PIGU: variants seen among roughly 807,000 people sequenced by gnomAD.
PIGU encodes phosphatidylinositol glycan anchor biosynthesis class U.
PIGU carries 24 observed loss-of-function variants against 49.9 expected under a neutral mutation model. That is an observed-to-expected ratio of 0.48 (90% confidence interval 0.35 to 0.68). PIGU has a LOEUF of 0.68. Ranked by LOEUF, PIGU falls within the 30% of genes least tolerant of loss-of-function variation. The pLI is 0.01. For synonymous variants in PIGU, 220 were observed against 205.7 expected (o/e 1.07, Z -0.59); for missense variants, 490 against 532.6 (o/e 0.92, Z 0.79).
intron 2 of PIGU, among the ~76,000 whole-genome samples, chr20:34,645,708 A>T (rs1986321430): frequency 6.6e-6 from 1 of 152,116 alleles, no homozygotes; most frequent in African/African-American, 2.4e-5. Context: ...ATCCTGGCTA[A>T]CACGGTAAAA....
intron 6 of PIGU, among the ~76,000 whole-genome samples, chr20:34,625,322 T>C (rs6058092): frequency 0.99 from 148,916 of 149,868 alleles, 73,991 homozygotes; most frequent in East Asian, 1. Flanking sequence ...GAGCCGAGAT[T>C]GTGCCATTGC....
At chr20:34,603,731 G>C (rs111410261) in intron 7 of PIGU, among the ~76,000 whole-genome samples, 6 of 152,158 alleles carry the variant, frequency 3.9e-5, no homozygotes, top group Admixed American at 2.0e-4. Flanking sequence ...CTAAAACCTA[G>C]AATTAGCCAT....
chr20:34,660,308 TGGGCG>T (rs1410813208), intron 1 of PIGU, among the ~76,000 whole-genome samples: 1 of 152,136 alleles, frequency 6.6e-6, no homozygotes, highest in Admixed American at 6.5e-5. Flanking sequence ...AAATTTTACA[TGGGCG>T]GTGGTTCATG....
At chr20:34,659,638 A>T (rs1986867930) in intron 1 of PIGU, among the ~76,000 whole-genome samples, 1 of 152,192 alleles carries the variant, frequency 6.6e-6, no homozygotes, top group Non-Finnish European at 1.5e-5. Flanking sequence ...AAGATTGAGA[A>T]ATCGGATGGT....
intron 7 of PIGU, 94 bp from the exon 8 acceptor site, chr20:34,588,701 C>A: frequency 8.4e-7 from 1 of 1,193,772 alleles, no homozygotes; most frequent in Non-Finnish European, 1.2e-6. Flanking sequence ...CAAAACCATA[C>A]TATGATACAC....
At chr20:34,596,030 T>G (rs1984185302) in intron 7 of PIGU, among the ~76,000 whole-genome samples, 1 of 152,132 alleles carries the variant, frequency 6.6e-6, no homozygotes, top group African/African-American at 2.4e-5. Context: ...AGACCCTGTC[T>G]CAAAAACAAA....
rs1433169872 is a variant in PIGU at position 34,652,747 on chromosome 20, TA to T, written c.195+4432del. Among the ~76,000 whole-genome samples, 9 of 152,216 alleles carry T rather than the reference TA, an allele frequency of 5.9e-5. No homozygotes were observed. The South Asian group carries it at 1.9e-3, about 31-fold the overall frequency. ...AATTAAGAATATGTTACTCAGTTTC[TA>T]AATATTTGGGGATTCTCTAGATATC... On this transcript the variant is annotated intron_variant, in intron 2 of 11. Coordinates refer to ENST00000217446, the MANE Select transcript of PIGU (RefSeq NM_080476.5).
intron 2 of PIGU, among the ~76,000 whole-genome samples, chr20:34,649,523 ATT>A (rs113251878): frequency 8.8e-5 from 12 of 136,128 alleles, no homozygotes; most frequent in Non-Finnish European, 9.6e-5. Context: ...TCATCTATAC[ATT>A]TTTTTTTTTT....
intron 6 of PIGU, among the ~76,000 whole-genome samples, chr20:34,617,862 A>T (rs1411107118): frequency 6.6e-6 from 1 of 152,216 alleles, no homozygotes; most frequent in South Asian, 2.1e-4. Context: ...TAATTGAATC[A>T]TGGGAGTTGC....
Position 34,600,611 on chromosome 20 carries a change from G to GA in PIGU, c.628-12005dup, listed in dbSNP as rs1025949914. Among the ~76,000 whole-genome samples, 385 of 146,458 alleles carry GA rather than the reference G, an allele frequency of 2.6e-3. 1 individual carries two copies. The highest frequency in any genetic ancestry group is 8.7e-3 in the African/African-American group (349 of 40,014). On this transcript the variant is annotated intron_variant, in intron 7 of 11. Coordinates refer to ENST00000217446, the MANE Select transcript of PIGU (RefSeq NM_080476.5). ...AAGAGGAAGAAAACAGCCCAGGAGAGAAAAAAAAAATACCCTCTAAAGTAA... is the reference window on the plus strand; with the variant it reads ...AAGAGGAAGAAAACAGCCCAGGAGAGAAAAAAAAAAATACCCTCTAAAGTAA...
chr20:34,628,472 A>G (rs989567181), intron 6 of PIGU, among the ~76,000 whole-genome samples: 9 of 152,190 alleles, frequency 5.9e-5, no homozygotes, highest in African/African-American at 1.9e-4. Context: ...ACAGCTAAAA[A>G]CTGGAAAATC....
intron 2 of PIGU, 30 bp downstream of exon 2, chr20:34,657,150 G>A (rs746727749): frequency 1.9e-6 from 3 of 1,543,698 alleles, no homozygotes; most frequent in South Asian, 1.1e-5. Context: ...ACTACTCTTG[G>A]TACCCAGAAA....
rs559986543 is a variant in PIGU, at chr20:34,575,317, C to A, written c.1052-71G>T. On this transcript the variant is annotated intron_variant, in intron 10 of 11. Coordinates refer to ENST00000217446, the MANE Select transcript of PIGU (RefSeq NM_080476.5). Reference sequence around the variant, plus strand: ...CATGCTTTCCCTGCTGCAATGGCCCCCCTGAATGGAGAGGCCCAAGGTGAG... The same window carrying A: ...CATGCTTTCCCTGCTGCAATGGCCCACCTGAATGGAGAGGCCCAAGGTGAG... The A allele has an allele frequency of 1.3e-5, 20 of 1,549,242 alleles. No individual in the cohort carries two copies. In the East Asian group the frequency reaches 3.9e-4, roughly 30 times the overall value.
intron 2 of PIGU, among the ~76,000 whole-genome samples, chr20:34,651,422 C>A (rs1264044325): frequency 6.6e-6 from 1 of 152,230 alleles, no homozygotes; most frequent in Non-Finnish European, 1.5e-5. Context: ...AAGGACAAAG[C>A]AGCTCAGACT....
intron 11 of PIGU, among the ~76,000 whole-genome samples, chr20:34,566,365 C>T (rs892721598): frequency 6.6e-6 from 1 of 152,232 alleles, no homozygotes; most frequent in African/African-American, 2.4e-5. Context: ...CCTCTCAGCG[C>T]TGCCCCCAGG....
At chr20:34,580,613 C>T (rs1037600930) in intron 10 of PIGU, among the ~76,000 whole-genome samples, 2 of 152,304 alleles carry the variant, frequency 1.3e-5, no homozygotes, top group East Asian at 1.9e-4. Context: ...TTCCATGCCT[C>T]GTTTAGAGAA....
intron 11 of PIGU, 25 bp downstream of exon 11, chr20:34,575,079 C>G (rs1337743063): frequency 6.2e-7 from 1 of 1,611,716 alleles, no homozygotes. Context: ...TGTCCCCAAG[C>G]TGACCCCCAT....
At chr20:34,658,075 C>G (rs1290033067) in intron 1 of PIGU, among the ~76,000 whole-genome samples, 5 of 152,208 alleles carry the variant, frequency 3.3e-5, no homozygotes, top group Non-Finnish European at 5.9e-5. Flanking sequence ...GCCATCTCGG[C>G]TCACTGCAAC....
At chr20:34,636,942 T>C (rs1035809959) in intron 5 of PIGU, among the ~76,000 whole-genome samples, 2 of 152,084 alleles carry the variant, frequency 1.3e-5, no homozygotes, top group Admixed American at 1.3e-4. Flanking sequence ...AGGACACACA[T>C]AAGTCCATAA....
Sources: allele counts gnomAD v4.1 joint callset (sites outside exome capture counted in the v4.1 genomes callset), GRCh38; gene constraint gnomAD v4.1.1; transcripts MANE v1.5; gene names NCBI Gene and HGNC (gene_info 2026-07-23, HGNC 2026-07-21).